Variants in FAM47E observed in about 807,000 individuals in gnomAD.
The protein encoded by FAM47E is protein FAM47E.
Under a neutral mutation model 41.6 loss-of-function variants are expected in FAM47E, and 32 were observed. That is an observed-to-expected ratio of 0.77 (90% CI 0.58 to 1.03). FAM47E has a LOEUF of 1.03. Ranked by LOEUF, FAM47E falls within the 50% of genes least tolerant of loss-of-function variation. FAM47E has a pLI of 0.00. For synonymous variants in FAM47E, 184 were observed against 188.7 expected (o/e 0.98, Z 0.20); for missense variants, 424 against 485.4 (o/e 0.87, Z 1.19).
In FAM47E at chr4:76,268,655, T is replaced by G; in HGVS notation, c.561-5T>G. On this transcript the variant is annotated splice_region_variant and splice_polypyrimidine_tract_variant and intron_variant, in intron 3 of 7. Coordinates refer to ENST00000424749, the MANE Select transcript of FAM47E (RefSeq NM_001136570.3). ...ATTGTAATTCTTTAATGATCTTATCTTTAGTTCCAAGAAGACGTCTGTGTC... is the reference window on the plus strand; with the variant it reads ...ATTGTAATTCTTTAATGATCTTATCGTTAGTTCCAAGAAGACGTCTGTGTC... The G allele has an allele frequency of 6.5e-7, 1 of 1,549,678 alleles. No individual in the cohort carries two copies. The highest frequency in any genetic ancestry group is 1.2e-5 in the South Asian group (1 of 83,342).
At chr4:76,244,148 G>C (rs1733770112) in intron 2 of FAM47E, among the ~76,000 whole-genome samples, 1 of 152,114 alleles carries the variant, frequency 6.6e-6, no homozygotes, top group South Asian at 2.1e-4. Flanking sequence ...ATCATTGATG[G>C]ACATTTGGGT....
At chr4:76,214,602 A>T (rs1733164672) in intron 1 of FAM47E, among the ~76,000 whole-genome samples, 1 of 152,182 alleles carries the variant, frequency 6.6e-6, no homozygotes, top group Admixed American at 6.5e-5. Flanking sequence ...GAAGGAGCTT[A>T]AAGCAGGCAT....
chr4:76,249,751 C>A (rs538725081), upstream of FAM47E, among the ~76,000 whole-genome samples: 2 of 152,088 alleles, frequency 1.3e-5, no homozygotes, highest in South Asian at 4.2e-4. Flanking sequence ...CCTTTGCATC[C>A]CCATAGCTTA....
chr4:76,225,059 T>G (rs1245130832), intron 2 of FAM47E, among the ~76,000 whole-genome samples: 1 of 152,198 alleles, frequency 6.6e-6, no homozygotes, highest in Non-Finnish European at 1.5e-5. Context: ...TATTCCTGAG[T>G]TACTTCACTT....
intron 2 of FAM47E, among the ~76,000 whole-genome samples, chr4:76,229,602 T>C (rs1465277742): frequency 2.6e-5 from 4 of 152,204 alleles, no homozygotes; most frequent in African/African-American, 9.7e-5. Context: ...TGAATGATTA[T>C]TATTGCTCTT....
upstream of FAM47E, among the ~76,000 whole-genome samples, chr4:76,250,447 A>T (rs1733930662): frequency 6.6e-6 from 1 of 152,180 alleles, no homozygotes; most frequent in South Asian, 2.1e-4. Flanking sequence ...TTCCTTGTAG[A>T]TTCTGAATAT....
At chr4:76,233,864 G>T (rs1021709762) in intron 2 of FAM47E, among the ~76,000 whole-genome samples, 5 of 152,204 alleles carry the variant, frequency 3.3e-5, no homozygotes, top group Admixed American at 1.3e-4. Flanking sequence ...AGTTGGTTGG[G>T]GGGGGCTTGG....
chr4:76,223,462 A>G (rs1733343790), intron 2 of FAM47E, among the ~76,000 whole-genome samples: 1 of 152,190 alleles, frequency 6.6e-6, no homozygotes, highest in African/African-American at 2.4e-5. Flanking sequence ...ATCCTGTATA[A>G]TCCAGAATCA....
chr4:76,219,624 G>A (rs1226751661), intron 2 of FAM47E, among the ~76,000 whole-genome samples: 1 of 152,156 alleles, frequency 6.6e-6, no homozygotes, highest in Non-Finnish European at 1.5e-5. Context: ...AGGGGAGAAA[G>A]GGGGGATGGA....
At chr4:76,249,751 C>T (rs538725081), upstream of FAM47E, among the ~76,000 whole-genome samples, 1 of 151,970 alleles carries the variant, frequency 6.6e-6, no homozygotes, top group East Asian at 1.9e-4. Context: ...CCTTTGCATC[C>T]CCATAGCTTA....
intron 2 of FAM47E, among the ~76,000 whole-genome samples, chr4:76,257,951 G>A (rs78302188): frequency 0.016 from 2,381 of 152,218 alleles, 73 homozygotes; most frequent in African/African-American, 0.054. Flanking sequence ...ATGAATGATC[G>A]GTGGGAGAGA....
intron 2 of FAM47E, among the ~76,000 whole-genome samples, chr4:76,261,109 A>G (rs1167190711): frequency 1.3e-5 from 2 of 152,194 alleles, no homozygotes; most frequent in Non-Finnish European, 2.9e-5. Context: ...GATTAAAACC[A>G]CAATGAGATA....
intron 2 of FAM47E, among the ~76,000 whole-genome samples, chr4:76,227,966 T>C (rs12505005): frequency 0.043 from 6,478 of 152,308 alleles, 179 homozygotes; most frequent in South Asian, 0.067. Flanking sequence ...ACCTGGTTAC[T>C]TGATTTTTAT....
chr4:76,233,271 T>G (rs1254150407), intron 2 of FAM47E, among the ~76,000 whole-genome samples: 2 of 147,176 alleles, frequency 1.4e-5, no homozygotes, highest in Non-Finnish European at 3.0e-5. Flanking sequence ...GTTAGTTCCA[T>G]GTGTCCCCAG....
At chr4:76,220,608 G>C (rs1404821492) in intron 2 of FAM47E, among the ~76,000 whole-genome samples, 1 of 152,192 alleles carries the variant, frequency 6.6e-6, no homozygotes, top group African/African-American at 2.4e-5. Context: ...CTGTGACAGA[G>C]CTAGATCCTG....
intron 2 of FAM47E, among the ~76,000 whole-genome samples, chr4:76,227,564 G>A (rs935927461): frequency 1.3e-5 from 2 of 152,152 alleles, no homozygotes; most frequent in Admixed American, 6.5e-5. Context: ...TATAGTTTCA[G>A]TCCATTGTTT....
At position 76,240,189 on chromosome 4, in the gene FAM47E, G is replaced by A. The variant is rs1372029488; in HGVS notation, c.81+22501G>A. ...TTTGCTGGATATAGGATTCTTAGTT[G>A]ATAGTTTCTTTCTTTTAGCACTTTA... On this transcript the variant is annotated intron_variant, in intron 2 of 7. Coordinates refer to the FAM47E transcript ENST00000510197. Among the ~76,000 whole-genome samples, 4 of 152,180 alleles carry A rather than the reference G, an allele frequency of 2.6e-5. No homozygotes were observed. The East Asian group carries it at 7.7e-4, about 29-fold the overall frequency.
At chr4:76,217,465 A>G in intron 1 of FAM47E, 1 of 407,288 alleles carries the variant, frequency 2.5e-6, no homozygotes, top group Non-Finnish European at 4.3e-6. Context: ...CTCAGGCATG[A>G]GTGAGTTGTC....
At chr4:76,261,559 A>G (rs1734418957) in intron 2 of FAM47E, among the ~76,000 whole-genome samples, 1 of 152,186 alleles carries the variant, frequency 6.6e-6, no homozygotes, top group African/African-American at 2.4e-5. Flanking sequence ...TCCTAAGTGA[A>G]ATAACTCAGA....
Sources: allele counts gnomAD v4.1 joint callset (sites outside exome capture counted in the v4.1 genomes callset), GRCh38; gene constraint gnomAD v4.1.1; transcripts MANE v1.5; gene names NCBI Gene and HGNC (gene_info 2026-07-23, HGNC 2026-07-21).